Variants in APBA2 observed in about 807,000 individuals in gnomAD.
APBA2 encodes amyloid beta precursor protein binding family A member 2, also known as amyloid-beta A4 precursor protein-binding family A member 2.
A neutral mutation model predicts 75.0 loss-of-function variants in APBA2; 30 were observed. The ratio of observed to expected loss-of-function variants is 0.40; its 90% CI spans 0.30 to 0.54. APBA2 has a LOEUF of 0.54. APBA2 is among the 20% of genes least tolerant of loss of function. The pLI is 0.49. For missense variants in APBA2, 801 were observed against 1,016.1 expected, an observed-to-expected ratio of 0.79 and a Z score of 2.88; for synonymous variants, 444 against 409.6, an observed-to-expected ratio of 1.08 and a Z score of -1.01.
At chr15:28,987,998 C>A (rs1206552314) in intron 2 of APBA2, among the ~76,000 whole-genome samples, 1 of 151,700 alleles carries the variant, frequency 6.6e-6, no homozygotes, top group Non-Finnish European at 1.5e-5. Flanking sequence ...CTCAAGTGGT[C>A]TGCCCGCCTC....
rs188408654 is a variant in APBA2 at position 29,033,491 on chromosome 15, C to A, written c.-40-20354C>A. Among the ~76,000 whole-genome samples the A allele has an allele frequency of 5.4e-4, 82 of 152,260 alleles. No individual in the cohort carries two copies. The East Asian group carries it at 0.015, about 28-fold the overall frequency. ...GACTGCCCTCACTTCTGACACCAGC[C>A]CCAAATTCAGGGGTCCTCAGGCCCA... On this transcript the variant is annotated intron_variant, in intron 3 of 14. Transcript: ENST00000683413.
chr15:29,045,299 C>T (rs1245050420), intron 3 of APBA2, among the ~76,000 whole-genome samples: 4 of 147,464 alleles, frequency 2.7e-5, no homozygotes, highest in African/African-American at 7.7e-5. Flanking sequence ...ACAATGTTGG[C>T]CAGGCTGGTC....
At chr15:29,073,889 T>C (rs1326385711) in intron 4 of APBA2, among the ~76,000 whole-genome samples, 1 of 152,180 alleles carries the variant, frequency 6.6e-6, no homozygotes, top group Non-Finnish European at 1.5e-5. Context: ...GTAGAAGCAG[T>C]TGTAGTTTGG....
chr15:29,070,991 C>A, intron 4 of APBA2: 1 of 445,618 alleles, frequency 2.2e-6, no homozygotes. Flanking sequence ...CTGTGGCTAG[C>A]CTGGCTTTCC....
chr15:29,022,510 GAT>G (rs759330330), intron 3 of APBA2, among the ~76,000 whole-genome samples: 1 of 151,566 alleles, frequency 6.6e-6, no homozygotes, highest in Non-Finnish European at 1.5e-5. Context: ...GTAACTCAGG[GAT>G]ATATATATAG....
chr15:29,099,204 C>G (rs1191972696), intron 9 of APBA2, among the ~76,000 whole-genome samples: 1 of 152,138 alleles, frequency 6.6e-6, no homozygotes, highest in South Asian at 2.1e-4. Context: ...GGACTAGATC[C>G]CCCCACCAAC....
intron 3 of APBA2, among the ~76,000 whole-genome samples, chr15:29,012,990 C>G (rs1383272332): frequency 6.6e-6 from 1 of 151,992 alleles, no homozygotes; most frequent in Non-Finnish European, 1.5e-5. Context: ...GATCTCAGCC[C>G]CTCAAGTCCT....
chr15:28,970,925 G>C (rs1478835075), intron 2 of APBA2, among the ~76,000 whole-genome samples: 2 of 151,998 alleles, frequency 1.3e-5, no homozygotes, highest in African/African-American at 4.8e-5. Context: ...GACACCACCG[G>C]GTCCCCTTGG....
chr15:29,010,800 G>A (rs2152814690), intron 3 of APBA2, among the ~76,000 whole-genome samples: 1 of 152,146 alleles, frequency 6.6e-6, no homozygotes. Flanking sequence ...TGATTTTAGG[G>A]TTATAAATAG....
At chr15:29,006,381 G>C (rs529307527) in intron 3 of APBA2, among the ~76,000 whole-genome samples, 10 of 152,110 alleles carry the variant, frequency 6.6e-5, no homozygotes, top group Non-Finnish European at 1.3e-4. Flanking sequence ...GAAAACTACC[G>C]AACATTGCTG....
intron 7 of APBA2, 43 bp downstream of exon 7, chr15:29,093,263 T>C: frequency 6.2e-7 from 1 of 1,610,696 alleles, no homozygotes; most frequent in Non-Finnish European, 8.5e-7. Flanking sequence ...CCGCACACTT[T>C]GGGGGGCACT....
At chr15:28,961,685 A>G (rs7181300) in intron 2 of APBA2, 52,393 of 152,000 alleles carry the variant, frequency 0.34, 16,314 homozygotes, top group African/African-American at 0.82. Flanking sequence ...GAAGCCTGTC[A>G]CAGGTGAGGG....
chr15:28,954,330 G>A (rs2036050788), intron 2 of APBA2, among the ~76,000 whole-genome samples: 2 of 152,188 alleles, frequency 1.3e-5, no homozygotes, highest in Non-Finnish European at 2.9e-5. Flanking sequence ...CCTCCGACCA[G>A]AGCTCTCCGT....
intron 13 of APBA2, among the ~76,000 whole-genome samples, chr15:29,111,619 C>G (rs1241554605): frequency 6.6e-6 from 1 of 152,116 alleles, no homozygotes; most frequent in Non-Finnish European, 1.5e-5. Flanking sequence ...CCCCCAGGTG[C>G]GGACCACACC....
At chr15:29,110,912 C>T (rs918329268) in intron 13 of APBA2, among the ~76,000 whole-genome samples, 3 of 152,054 alleles carry the variant, frequency 2.0e-5, no homozygotes, top group Admixed American at 1.3e-4. Context: ...GGGCTCGCTC[C>T]AGCTGCCTTC....
intron 3 of APBA2, among the ~76,000 whole-genome samples, chr15:29,040,359 G>C (rs1232490467): frequency 6.6e-6 from 1 of 152,240 alleles, no homozygotes; most frequent in Non-Finnish European, 1.5e-5. Context: ...AGAGGAACCA[G>C]GAAAAGGTGC....
intron 2 of APBA2, among the ~76,000 whole-genome samples, chr15:28,975,188 G>C (rs1408808041): frequency 6.6e-6 from 1 of 151,992 alleles, no homozygotes; most frequent in Non-Finnish European, 1.5e-5. Context: ...ATTGACCCCA[G>C]TAGACACAGA....
At chr15:29,045,052 TCTCC>T (rs1222684722) in intron 3 of APBA2, among the ~76,000 whole-genome samples, 1 of 145,466 alleles carries the variant, frequency 6.9e-6, no homozygotes, top group Non-Finnish European at 1.5e-5. Flanking sequence ...TTCCTTCCTC[TCTCC>T]CTCCCTCCCT....
intron 6 of APBA2, among the ~76,000 whole-genome samples, chr15:29,085,217 T>G (rs552934105): frequency 1.3e-5 from 2 of 152,290 alleles, no homozygotes; most frequent in South Asian, 4.1e-4. Context: ...TCTTCTCTTT[T>G]TTGAAAAATT....
Sources: gnomAD v4.1 joint callset for allele counts (sites outside exome capture counted in the v4.1 genomes callset) on GRCh38, gnomAD v4.1.1 for gene constraint, MANE v1.5 for transcripts, NCBI Gene and HGNC (gene_info 2026-07-23, HGNC 2026-07-21) for gene names.